The following C8orf34 variants were observed in gnomAD, a reference collection of about 807,000 sequenced individuals.
C8orf34 encodes chromosome 8 open reading frame 34.
Under a neutral mutation model 68.3 loss-of-function variants are expected in C8orf34, and 65 were observed. The observed-to-expected ratio is 0.95, with a 90% CI of 0.78 to 1.17. The LOEUF is 1.17. C8orf34 is among the 50% of genes most tolerant of loss of function. The pLI is 0.00. For missense variants in C8orf34, 664 were observed against 655.4 expected, an observed-to-expected ratio of 1.01 and a Z score of -0.14; for synonymous variants, 244 against 241.2, an observed-to-expected ratio of 1.01 and a Z score of -0.11.
intron 4 of C8orf34, among the ~76,000 whole-genome samples, chr8:68,481,154 G>T (rs1812841644): frequency 6.6e-6 from 1 of 152,046 alleles, no homozygotes; most frequent in Admixed American, 6.6e-5. Flanking sequence ...TAGCTGAAAG[G>T]GGCCAATGTA....
Position 68,535,071 on chromosome 8 carries a change from A to G in C8orf34, c.1105+1922A>G, listed in dbSNP as rs1488656660. On this transcript the variant is annotated intron_variant, in intron 7 of 13. Coordinates refer to ENST00000518698, the MANE Select transcript of C8orf34 (RefSeq NM_052958.4). ...CTCTAGGTCATGAGATTATCCTCTT[A>G]TAGCTTGGAATGTTACAAGTCCACT... The G allele has an allele frequency of 6.1e-6, 6 of 985,242 alleles. No homozygotes were observed. The East Asian group carries it at 5.7e-4, about 93-fold the overall frequency. 61.0% of individuals were successfully genotyped at this position (985,242 alleles called of 1,614,324 possible). A position where few individuals can be genotyped will look rare whatever the true frequency, so the allele number is the denominator to read the frequency against.
At chr8:68,681,964 A>G (rs1820382978) in intron 8 of C8orf34, among the ~76,000 whole-genome samples, 2 of 152,188 alleles carry the variant, frequency 1.3e-5, no homozygotes, top group African/African-American at 4.8e-5. Flanking sequence ...GCTAAAAATT[A>G]AAATAATTGA....
At chr8:68,542,953 TA>T (rs1470229695) in intron 7 of C8orf34, among the ~76,000 whole-genome samples, 45 of 152,116 alleles carry the variant, frequency 3.0e-4, no homozygotes, top group African/African-American at 9.2e-4. Flanking sequence ...TATACATATT[TA>T]AAAACTTATT....
chr8:68,507,865 T>C (rs1442289480), intron 5 of C8orf34, among the ~76,000 whole-genome samples: 2 of 152,206 alleles, frequency 1.3e-5, no homozygotes, highest in Non-Finnish European at 2.9e-5. Context: ...TCCGTAATTA[T>C]TTTTAAGACA....
chr8:68,425,803 G>C (rs1810186540), intron 1 of C8orf34, among the ~76,000 whole-genome samples: 1 of 150,204 alleles, frequency 6.7e-6, no homozygotes, highest in South Asian at 2.1e-4. Flanking sequence ...CAGAAATCAA[G>C]ACATAGTGGT....
intron 5 of C8orf34, among the ~76,000 whole-genome samples, chr8:68,520,666 T>C (rs1814715221): frequency 6.6e-6 from 1 of 150,864 alleles, no homozygotes; most frequent in Non-Finnish European, 1.5e-5. Flanking sequence ...GGTTTCACCG[T>C]GTTAGCCAGG....
intron 8 of C8orf34, among the ~76,000 whole-genome samples, chr8:68,708,466 G>C (rs926073809): frequency 2.0e-5 from 3 of 152,110 alleles, no homozygotes; most frequent in African/African-American, 7.2e-5. Context: ...CCTGAAGAAG[G>C]CTCAGTGTCT....
Position 68,787,539 on chromosome 8 carries a change from G to A in C8orf34, c.1549+3G>A, listed in dbSNP as rs1823879237. ...AGTGGAAGCAGAACAAGAGAAACGT[G>A]AGTAGACACTATTGTTTATTGACAA... On this transcript the variant is annotated splice_donor_region_variant and intron_variant, in intron 12 of 13. Transcript: ENST00000518698. 2.5e-6 allele frequency: 4 copies of A among 1,593,658 alleles called. No homozygotes were observed. Among genetic ancestry groups the A allele is most frequent in the Non-Finnish European group, 3.4e-6 (4 of 1,165,664 alleles).
At chr8:68,796,002 A>G (rs1046071184) in intron 12 of C8orf34, among the ~76,000 whole-genome samples, 3 of 152,140 alleles carry the variant, frequency 2.0e-5, no homozygotes, top group Admixed American at 2.0e-4. Flanking sequence ...AGGAGTGACA[A>G]TTGTCTGAGG....
chr8:68,626,934 C>A (rs1280706912), intron 7 of C8orf34, among the ~76,000 whole-genome samples: 1 of 151,998 alleles, frequency 6.6e-6, no homozygotes, highest in Non-Finnish European at 1.5e-5. Context: ...TGACTTAACT[C>A]TCAAGAAATA....
intron 7 of C8orf34, among the ~76,000 whole-genome samples, chr8:68,627,552 A>C (rs1818572320): frequency 6.6e-6 from 1 of 152,190 alleles, no homozygotes; most frequent in South Asian, 2.1e-4. Context: ...ACAGGAAACA[A>C]AGTGTATGCA....
At chr8:68,401,380 C>T (rs1808947437) in intron 1 of C8orf34, among the ~76,000 whole-genome samples, 2 of 152,038 alleles carry the variant, frequency 1.3e-5, no homozygotes, top group Non-Finnish European at 2.9e-5. Context: ...TGTCTCTTGC[C>T]TAATTGTTTT....
chr8:68,716,290 C>T (rs990781809), intron 9 of C8orf34, among the ~76,000 whole-genome samples: 1 of 151,962 alleles, frequency 6.6e-6, no homozygotes, highest in Non-Finnish European at 1.5e-5. Context: ...CCAAACACCA[C>T]CTTTTCCCCA....
At chr8:68,806,567 C>T (rs1403863064) in intron 12 of C8orf34, among the ~76,000 whole-genome samples, 1 of 152,052 alleles carries the variant, frequency 6.6e-6, no homozygotes, top group African/African-American at 2.4e-5. Context: ...TAGATTATTA[C>T]GTCTTCAAAT....
chr8:68,746,916 A>G (rs1487245190), intron 10 of C8orf34, among the ~76,000 whole-genome samples: 71 of 151,682 alleles, frequency 4.7e-4, no homozygotes, highest in East Asian at 2.3e-3. Context: ...CCAAAGCCGG[A>G]CAGAGACACA....
At chr8:68,541,834 G>A (rs964098748) in intron 7 of C8orf34, among the ~76,000 whole-genome samples, 2 of 152,088 alleles carry the variant, frequency 1.3e-5, no homozygotes, top group Non-Finnish European at 2.9e-5. Context: ...TTTAAAGACA[G>A]TACACTCATT....
intron 8 of C8orf34, among the ~76,000 whole-genome samples, chr8:68,680,483 C>T (rs1388778026): frequency 6.6e-6 from 1 of 152,052 alleles, no homozygotes; most frequent in Non-Finnish European, 1.5e-5. Flanking sequence ...GACCGTGATG[C>T]CCCCCTGAGC....
intron 7 of C8orf34, among the ~76,000 whole-genome samples, chr8:68,561,413 T>C (rs374077791): frequency 9.2e-5 from 14 of 152,334 alleles, no homozygotes; most frequent in African/African-American, 3.4e-4. Flanking sequence ...TTTTTTTCTA[T>C]TTACAAAATT....
intron 7 of C8orf34, among the ~76,000 whole-genome samples, chr8:68,590,248 G>A (rs1371191802): frequency 6.7e-6 from 1 of 148,784 alleles, no homozygotes. Context: ...AGGGAGAGAG[G>A]GAAAAGCAAA....
Sources: allele counts gnomAD v4.1 joint callset (sites outside exome capture counted in the v4.1 genomes callset), GRCh38; gene constraint gnomAD v4.1.1; transcripts MANE v1.5; gene names NCBI Gene and HGNC (gene_info 2026-07-23, HGNC 2026-07-21).